PCDHA1: variants seen among roughly 807,000 people sequenced by gnomAD.
PCDHA1 encodes the protein protocadherin alpha-1.
In PCDHA1, 42 loss-of-function variants were observed where a neutral mutation model predicts 61.3. That is an observed-to-expected ratio of 0.69 (90% CI 0.54 to 0.89). PCDHA1 has a LOEUF of 0.89. PCDHA1 is among the 40% of genes least tolerant of loss of function. The probability of loss-of-function intolerance (pLI) is 0.00; values close to 1 mark genes in which losing one functional copy is unlikely to be tolerated. For synonymous variants in PCDHA1, 610 were observed against 553.8 expected, an observed-to-expected ratio of 1.10 and a Z score of -1.43; for missense variants, 1,256 against 1,235.3, an observed-to-expected ratio of 1.02 and a Z score of -0.25.
intron 1 of PCDHA1, chr5:140,810,716 A>C (rs2150023636): frequency 6.6e-6 from 1 of 150,586 alleles, no homozygotes; most frequent in African/African-American, 2.4e-5. Flanking sequence ...TTATTTCCTT[A>C]TCTTGTTTTT....
chr5:140,959,061 A>G (rs1434123552), intron 1 of PCDHA1, among the ~76,000 whole-genome samples: 2 of 152,126 alleles, frequency 1.3e-5, no homozygotes, highest in Non-Finnish European at 2.9e-5. Flanking sequence ...AATGCAGTAT[A>G]TATAGAATTC....
chr5:140,840,206 A>G (rs1171433900), intron 1 of PCDHA1, among the ~76,000 whole-genome samples: 1 of 152,080 alleles, frequency 6.6e-6, no homozygotes, highest in African/African-American at 2.4e-5. Flanking sequence ...AAAAGAAGTC[A>G]TAAAAATACA....
chr5:140,929,058 A>G (rs372120484), intron 1 of PCDHA1: 2 of 1,614,072 alleles, frequency 1.2e-6, no homozygotes, highest in African/African-American at 2.7e-5. Context: ...GTCGCTCTAC[A>G]GAGGATCTGA....
At chr5:140,803,594 G>C in intron 1 of PCDHA1, 1 of 1,614,130 alleles carries the variant, frequency 6.2e-7, no homozygotes. Context: ...CAGCCAAAGT[G>C]AGTAATTTTT....
chr5:140,796,517 A>T, intron 1 of PCDHA1: 4 of 1,612,380 alleles, frequency 2.5e-6, no homozygotes, highest in Non-Finnish European at 3.4e-6. Context: ...GGCAAGGTGT[A>T]CGCGCTGCAG....
rs564801749 is a variant in PCDHA1, at chr5:140,919,703, A to G, written c.2395-59246A>G. Among the ~76,000 whole-genome samples the G allele has an allele frequency of 6.4e-4, 98 of 152,318 alleles. No individual in the cohort carries two copies. In the South Asian group the frequency reaches 0.011, roughly 16 times the overall value. ...TCTGCTTCAGATTTATATTAACTTA[A>G]TTCTAGTGAGATATAAATATGTTAC... On this transcript the variant is annotated intron_variant, in intron 1 of 3. Transcript: ENST00000504120.
chr5:140,858,857 T>G (rs1461225886), intron 1 of PCDHA1: 1 of 267,642 alleles, frequency 3.7e-6, no homozygotes, highest in African/African-American at 2.3e-5. Flanking sequence ...CTATATCTCT[T>G]CAGTGAAAAT....
chr5:140,836,594 C>T (rs2150264886), intron 1 of PCDHA1: 2 of 1,613,766 alleles, frequency 1.2e-6, no homozygotes, highest in African/African-American at 2.7e-5. Context: ...TGGTAAAGCC[C>T]ACTCTGGTGT....
Position 140,856,558 on chromosome 5 carries a change from A to C in PCDHA1, c.2394+67874A>C, listed in dbSNP as rs372031038. ...GAGAGAACGCATTGCTTACTTACAAACTCAGTCCAAATGAGTATTTTGTTC... is the reference window on the plus strand; with the variant it reads ...GAGAGAACGCATTGCTTACTTACAACCTCAGTCCAAATGAGTATTTTGTTC... On this transcript the variant is annotated intron_variant, in intron 1 of 3. Coordinates refer to ENST00000504120, the MANE Select transcript of PCDHA1 (RefSeq NM_018900.4). The C allele has an allele frequency of 1.3e-5, 21 of 1,598,088 alleles. 2 individuals are homozygous for C. The East Asian group carries it at 1.8e-4, about 14-fold the overall frequency.
chr5:140,852,589 T>TA (rs1324602977), intron 1 of PCDHA1: 6 of 884,534 alleles, frequency 6.8e-6, no homozygotes, highest in African/African-American at 2.0e-5. Flanking sequence ...TTTATTTTTT[T>TA]TTTTTGTCAT....
At chr5:140,841,954 C>A (rs1282125752) in intron 1 of PCDHA1, 1 of 1,613,776 alleles carries the variant, frequency 6.2e-7, no homozygotes, top group Non-Finnish European at 8.5e-7. Context: ...ACCACTTATT[C>A]CTGACAGCCA....
At chr5:140,829,158 C>A in intron 1 of PCDHA1, 1 of 1,614,016 alleles carries the variant, frequency 6.2e-7, no homozygotes, top group Non-Finnish European at 8.5e-7. Flanking sequence ...ACTTCCTTAT[C>A]CTTGCCTGTA....
In PCDHA1 at chr5:140,876,087, G is replaced by T. The variant is rs1554168252; in HGVS notation, c.2394+87403G>T. ...GGAAGTTATTGGACAGAGAGCAAAC[G>T]CCAAAACTCAATTTATTGCTGATGG... On this transcript the variant is annotated intron_variant, in intron 1 of 3. Coordinates refer to ENST00000504120, the MANE Select transcript of PCDHA1 (RefSeq NM_018900.4). The T allele has an allele frequency of 1.9e-6, 3 of 1,613,922 alleles. No individual in the cohort carries two copies. The South Asian group carries it at 3.3e-5, about 18-fold the overall frequency.
intron 1 of PCDHA1, chr5:140,856,537 G>A: frequency 1.9e-6 from 3 of 1,598,370 alleles, no homozygotes; most frequent in Non-Finnish European, 1.7e-6. Flanking sequence ...ATGTTGGAGA[G>A]AACGCATTGC....
intron 3 of PCDHA1, among the ~76,000 whole-genome samples, chr5:140,990,378 T>G (rs1554251448): frequency 6.6e-6 from 1 of 152,128 alleles, no homozygotes; most frequent in African/African-American, 2.4e-5. Context: ...GCAAATTTGT[T>G]GGTGATGTTC....
chr5:140,789,134 G>A (rs1761513434), intron 1 of PCDHA1, among the ~76,000 whole-genome samples: 1 of 152,224 alleles, frequency 6.6e-6, no homozygotes, highest in Admixed American at 6.5e-5. Flanking sequence ...ATAAACTGAA[G>A]TTTTAAGCAA....
chr5:140,874,304 A>G (rs559038069), intron 1 of PCDHA1, among the ~76,000 whole-genome samples: 1 of 152,234 alleles, frequency 6.6e-6, no homozygotes, highest in African/African-American at 2.4e-5. Flanking sequence ...ACTTGTTCAC[A>G]ATGAGTTGTA....
intron 1 of PCDHA1, among the ~76,000 whole-genome samples, chr5:140,817,833 T>G (rs1554127315): frequency 1.3e-5 from 2 of 152,214 alleles, no homozygotes; most frequent in Non-Finnish European, 2.9e-5. Flanking sequence ...ATGTCTTAAT[T>G]TTACTATCAC....
intron 1 of PCDHA1, chr5:140,809,362 G>C (rs782248893): frequency 6.2e-7 from 1 of 1,614,020 alleles, no homozygotes; most frequent in Admixed American, 1.7e-5. Context: ...GGTGCTCTGC[G>C]CTGCCCACCG....
Sources: gnomAD v4.1 joint callset for allele counts (sites outside exome capture counted in the v4.1 genomes callset) on GRCh38, gnomAD v4.1.1 for gene constraint, MANE v1.5 for transcripts, NCBI Gene and HGNC (gene_info 2026-07-23, HGNC 2026-07-21) for gene names.